HMCN1: variants seen among roughly 807,000 people sequenced by gnomAD.
HMCN1 encodes the protein hemicentin-1.
HMCN1 carries 321 observed loss-of-function variants against 625.9 expected under a neutral mutation model. That is an observed-to-expected ratio of 0.51 (90% CI 0.47 to 0.56). The LOEUF is 0.56. Ranked by LOEUF, HMCN1 falls within the 20% of genes least tolerant of loss-of-function variation. The probability of loss-of-function intolerance (pLI) is 0.00; values close to 1 mark genes in which losing one functional copy is unlikely to be tolerated. For missense variants in HMCN1, 6,588 were observed against 6,887.3 expected, an observed-to-expected ratio of 0.96 and a Z score of 1.54; for synonymous variants, 2,425 against 2,417.6, an observed-to-expected ratio of 1.00 and a Z score of -0.09.
At chr1:185,804,626 C>T (rs1273092210) in intron 1 of HMCN1, among the ~76,000 whole-genome samples, 4 of 152,024 alleles carry the variant, frequency 2.6e-5, no homozygotes, top group South Asian at 2.1e-4. Flanking sequence ...CTTTTTAAAA[C>T]GAGTTCTTTT....
chr1:185,883,625 G>A (rs1027998914), intron 4 of HMCN1, among the ~76,000 whole-genome samples: 14 of 151,944 alleles, frequency 9.2e-5, no homozygotes, highest in Non-Finnish European at 1.3e-4. Context: ...ACCACAATTT[G>A]TTTATACCAC....
intron 102 of HMCN1, among the ~76,000 whole-genome samples, chr1:186,173,430 C>G (rs779904678): frequency 9.9e-5 from 15 of 151,604 alleles, no homozygotes; most frequent in Non-Finnish European, 2.1e-4. Flanking sequence ...CCAACTCGGT[C>G]AGGAGTTTTA....
intron 75 of HMCN1, 29 bp downstream of exon 75, chr1:186,115,443 T>C: frequency 6.3e-7 from 1 of 1,589,866 alleles, no homozygotes; most frequent in East Asian, 2.2e-5. Flanking sequence ...TCCTACCAAC[T>C]ATTTACAAAC....
chr1:185,963,763 C>A lies in HMCN1; in HGVS notation c.1971-5C>A. ...TTTTATATTCTTTTTGTTTTTTATT[C>A]ATAGGTATAGGATGACCTCAGATGG... On this transcript the variant is annotated splice_polypyrimidine_tract_variant and splice_region_variant and intron_variant, in intron 12 of 106. Transcript: ENST00000271588. 1 of 1,588,078 alleles carries A rather than the reference C, an allele frequency of 6.3e-7. No individual in the cohort carries two copies. The highest frequency in any genetic ancestry group is 8.6e-7 in the Non-Finnish European group (1 of 1,157,028).
At chr1:186,117,165 G>C (rs374110053) in intron 76 of HMCN1, 50 bp downstream of exon 76, 10 of 1,605,600 alleles carry the variant, frequency 6.2e-6, no homozygotes, top group Non-Finnish European at 8.5e-6. Context: ...CTATCACTTC[G>C]TTATTCTACT....
intron 7 of HMCN1, 72 bp from the exon 8 acceptor site, chr1:185,923,318 G>T (rs1667090682): frequency 1.7e-6 from 2 of 1,159,238 alleles, no homozygotes; most frequent in Non-Finnish European, 2.6e-6. Flanking sequence ...TTATTATCAT[G>T]CAAATACTTA....
chr1:185,780,304 T>C lies in HMCN1; in HGVS notation c.268+45257T>C, dbSNP rs139741464. Among the ~76,000 whole-genome samples, 1,198 of 152,344 alleles carry C rather than the reference T, an allele frequency of 7.9e-3. 12 individuals are homozygous for C. Among genetic ancestry groups the C allele is most frequent in the African/African-American group, 0.028 (1,155 of 41,564 alleles). ...CATGTCATCTGCAAACAGGGACAAT[T>C]TGACTTCCTCTTTTCCTAATTGAAT... On this transcript the variant is annotated intron_variant, in intron 1 of 106. Transcript: ENST00000271588.
At chr1:185,894,753 A>G (rs1377147323) in intron 4 of HMCN1, among the ~76,000 whole-genome samples, 1 of 152,168 alleles carries the variant, frequency 6.6e-6, no homozygotes, top group Non-Finnish European at 1.5e-5. Flanking sequence ...CTTCCAACAA[A>G]GATTTTGGAT....
At chr1:186,188,659 GT>G (rs1653511381) in intron 106 of HMCN1, among the ~76,000 whole-genome samples, 1 of 152,158 alleles carries the variant, frequency 6.6e-6, no homozygotes, top group Admixed American at 6.5e-5. Context: ...ATAGGAAGGT[GT>G]TTCTGAAACC....
chr1:185,765,653 G>A (rs1461683696), intron 1 of HMCN1, among the ~76,000 whole-genome samples: 1 of 152,182 alleles, frequency 6.6e-6, no homozygotes, highest in Admixed American at 6.5e-5. Context: ...TGGGTAATTA[G>A]GACCAGAATC....
chr1:185,813,350 T>C (rs775046534), intron 1 of HMCN1, among the ~76,000 whole-genome samples: 10 of 152,068 alleles, frequency 6.6e-5, no homozygotes, highest in Non-Finnish European at 1.5e-4. Context: ...CAAAAGCAAA[T>C]GGAATAGGTT....
At chr1:185,916,331 T>C (rs1281014499) in intron 6 of HMCN1, among the ~76,000 whole-genome samples, 1 of 152,092 alleles carries the variant, frequency 6.6e-6, no homozygotes, top group Non-Finnish European at 1.5e-5. Flanking sequence ...GAATTCAAGA[T>C]TCATTACTTA....
Position 186,153,911 on chromosome 1 carries a change from T to A in HMCN1, c.15180T>A (p.His5060Gln). The A allele has an allele frequency of 6.2e-7, 1 of 1,614,152 alleles. No individual in the cohort carries two copies. The highest frequency in any genetic ancestry group is 8.5e-7 in the Non-Finnish European group (1 of 1,180,006). The change falls in exon 97 of 107, where the codon CAT becomes CAA. Residue 5060 changes from histidine to glutamine, a missense_variant. By Grantham distance (24) the His-to-Gln change is conservative. Coordinates refer to ENST00000271588, the MANE Select transcript of HMCN1 (RefSeq NM_031935.3). ...TGCCTTTCTTGGTTGAAACACTTCA[T>A]GCATCCTCTGTGGAATCTGACTATA... ...GRMPFLVETL[H>Q]ASSVESDYNQ...
Position 186,120,187 on chromosome 1 carries a change from T to C in HMCN1, c.12229+42T>C, listed in dbSNP as rs765188120. The C allele has an allele frequency of 1.9e-6, 3 of 1,594,754 alleles. No homozygotes were observed. The Admixed American group carries it at 5.1e-5, about 27-fold the overall frequency. ...TCTCTGTTTTCAATTCAAAGATGTTTGTAACAATGTCTACCAAATATTTAT... is the reference window on the plus strand; with the variant it reads ...TCTCTGTTTTCAATTCAAAGATGTTCGTAACAATGTCTACCAAATATTTAT... On this transcript the variant is annotated intron_variant, in intron 80 of 106. Coordinates refer to ENST00000271588, the MANE Select transcript of HMCN1 (RefSeq NM_031935.3).
chr1:186,097,420 C>T lies in HMCN1; in HGVS notation c.10573+1899C>T, dbSNP rs551367785. On this transcript the variant is annotated intron_variant, in intron 68 of 106. Transcript: ENST00000271588. ...CCATGGGTTTCTCAAGGCCTACTGC[C>T]GGGCTTGAGCATCTGCAGATTTTGG... 4.6e-5 allele frequency among the ~76,000 whole-genome samples: 7 copies of T among 151,932 alleles called. No individual in the cohort carries two copies. The South Asian group carries it at 1.2e-3, about 27-fold the overall frequency.
At chr1:185,882,512 G>GT (rs908877078) in intron 4 of HMCN1, among the ~76,000 whole-genome samples, 3 of 151,562 alleles carry the variant, frequency 2.0e-5, no homozygotes, top group Non-Finnish European at 4.4e-5. Flanking sequence ...AAAGTATCCT[G>GT]TTTTTTTAAA....
chr1:186,090,834 C>A lies in HMCN1; in HGVS notation c.9804C>A (p.Cys3268Ter), dbSNP rs150446448. ...VLLGENVELV[C>*]NANGIPTPLI... is the part of the protein sequence containing the mutation. Reference sequence around the variant, plus strand: ...TAGGAGAAAATGTTGAGCTGGTCTGCAATGCAAATGGCATTCCTACTCCAC... The same window carrying A: ...TAGGAGAAAATGTTGAGCTGGTCTGAAATGCAAATGGCATTCCTACTCCAC... The change falls in exon 64 of 107, where the codon TGC becomes TGA. Residue 3268 changes from cysteine (C) to a stop codon, truncating the protein, a stop_gained. Transcript: ENST00000271588. LOFTEE classifies it high-confidence loss of function. 2 of 1,612,572 alleles carry A rather than the reference C, an allele frequency of 1.2e-6. No homozygotes were observed. Among genetic ancestry groups the A allele is most frequent in the Non-Finnish European group, 1.7e-6 (2 of 1,179,008 alleles).
At chr1:185,742,014 C>G (rs972918202) in intron 1 of HMCN1, among the ~76,000 whole-genome samples, 5 of 151,654 alleles carry the variant, frequency 3.3e-5, no homozygotes, top group Non-Finnish European at 7.4e-5. Flanking sequence ...TTGCTTTGAT[C>G]ATAGGGCTAA....
At chr1:186,143,467 C>T (rs1650098557) in intron 89 of HMCN1, among the ~76,000 whole-genome samples, 1 of 152,170 alleles carries the variant, frequency 6.6e-6, no homozygotes, top group African/African-American at 2.4e-5. Flanking sequence ...TTGTTTCATT[C>T]TTGTGGTCCA....
Sources: allele counts gnomAD v4.1 joint callset (sites outside exome capture counted in the v4.1 genomes callset), GRCh38; gene constraint gnomAD v4.1.1; transcripts MANE v1.5; gene names NCBI Gene and HGNC (gene_info 2026-07-23, HGNC 2026-07-21).